Variants in EPHA7 observed in about 807,000 individuals in gnomAD.
EPHA7 encodes ephrin type-A receptor 7.
In EPHA7, 25 loss-of-function variants were observed where a neutral mutation model predicts 112.6. The ratio of observed to expected loss-of-function variants is 0.22; its 90% CI spans 0.16 to 0.31. The LOEUF (loss-of-function observed/expected upper bound fraction) is 0.31. EPHA7 is among the 10% of genes least tolerant of loss of function. EPHA7 has a pLI of 1.00. For missense variants in EPHA7, 962 were observed against 1,212.6 expected, an observed-to-expected ratio of 0.79 and a Z score of 3.07; for synonymous variants, 437 against 406.5, an observed-to-expected ratio of 1.07 and a Z score of -0.90.
In EPHA7 at chr6:93,290,165, T is replaced by C. The variant is rs1044720438; in HGVS notation, c.1325-17743A>G. ...GTAATGATTTTTGTATAAAAAGTTC[T>C]TCATATTTATAGTCAAAAGCAATTT... is the stretch of plus-strand genomic sequence containing the variant. On this transcript the variant is annotated intron_variant, in intron 5 of 16. Transcript: ENST00000369303. Among the ~76,000 whole-genome samples the C allele has an allele frequency of 2.0e-5, 3 of 152,172 alleles. No individual in the cohort carries two copies. The East Asian group carries it at 5.8e-4, about 29-fold the overall frequency.
chr6:93,246,043 A>AT lies in EPHA7; in HGVS notation c.2727-591dup, dbSNP rs779260927. Among the ~76,000 whole-genome samples, 633 of 150,796 alleles carry AT rather than the reference A, an allele frequency of 4.2e-3. 3 individuals are homozygous for AT. The highest frequency in any genetic ancestry group is 0.015 in the African/African-American group (605 of 41,214). On this transcript the variant is annotated intron_variant, in intron 15 of 16. Transcript: ENST00000369303. Reference sequence around the variant, plus strand: ...GTACACCTCTTTAATCATGTATTGAATTTTTTTTTCTTTTCTTTTTTTTTT... The same window carrying AT: ...GTACACCTCTTTAATCATGTATTGAATTTTTTTTTTCTTTTCTTTTTTTTTT...
chr6:93,311,287 CAGA>C (rs1397861337), intron 5 of EPHA7, among the ~76,000 whole-genome samples: 1 of 151,928 alleles, frequency 6.6e-6, no homozygotes. Flanking sequence ...TTACCCACAG[CAGA>C]AGTTCTTTCA....
intron 4 of EPHA7, among the ~76,000 whole-genome samples, chr6:93,357,490 C>T (rs164542): frequency 0.6 from 91,901 of 152,010 alleles, 29,384 homozygotes; most frequent in African/African-American, 0.8. Flanking sequence ...TATAGCAATG[C>T]CTGAGATTGG....
chr6:93,415,827 T>C (rs1779194729), intron 1 of EPHA7, among the ~76,000 whole-genome samples: 1 of 152,148 alleles, frequency 6.6e-6, no homozygotes, highest in African/African-American at 2.4e-5. Context: ...TACATGCTTA[T>C]ATGAACTTTT....
In EPHA7 at chr6:93,310,827, CTTGATG is replaced by C. The variant is rs555246644; in HGVS notation, c.1325-38411_1325-38406del. Reference sequence around the variant, plus strand: ...TATTTTTGCTGATGAGGGGGTTTGCCTTGATGTTGATGGCTACTGGATGATCAGGTA... The same window carrying C: ...TATTTTTGCTGATGAGGGGGTTTGCCTTGATGGCTACTGGATGATCAGGTA... On this transcript the variant is annotated intron_variant, in intron 5 of 16. Coordinates refer to ENST00000369303, the MANE Select transcript of EPHA7 (RefSeq NM_004440.4). 1.4e-3 allele frequency among the ~76,000 whole-genome samples: 208 copies of C among 152,208 alleles called. 1 individual carries two copies. Among genetic ancestry groups the C allele is most frequent in the Non-Finnish European group, 4.1e-4 (28 of 68,020 alleles).
chr6:93,259,169 A>G (rs1770575134), intron 10 of EPHA7, among the ~76,000 whole-genome samples, 185 bp downstream of exon 10: 2 of 152,050 alleles, frequency 1.3e-5, no homozygotes, highest in African/African-American at 4.8e-5. Context: ...TCTTTGTGCC[A>G]CATGCTAGTT....
In EPHA7 at chr6:93,410,897, T is replaced by C; in HGVS notation, c.436A>G (p.Ile146Val). Residue 146 changes from isoleucine to valine, a missense_variant, in exon 3 of 17, where the codon ATA becomes GTA. Ile to Val is a conservative substitution (Grantham distance 29, BLOSUM62 3). Coordinates refer to ENST00000369303, the MANE Select transcript of EPHA7 (RefSeq NM_004440.4). This position sits in a 1 kb window ranked among gnomAD's most constrained non-coding sequence, Gnocchi z 4.0. ...RNIRENLYVKIDTIAADESFT... is the reference protein window; with the variant it reads ...RNIRENLYVKVDTIAADESFT... ...CTTTCATCTGCAGCAATGGTGTCTA[T>C]TTTTACATAGAGGTTTTCTCTTATA... The C allele has an allele frequency of 1.2e-6, 2 of 1,614,054 alleles. No individual in the cohort carries two copies. The highest frequency in any genetic ancestry group is 2.2e-5 in the South Asian group (2 of 91,072).
chr6:93,415,221 T>C (rs902892685), intron 1 of EPHA7, among the ~76,000 whole-genome samples: 7 of 151,984 alleles, frequency 4.6e-5, no homozygotes, highest in African/African-American at 1.4e-4. Context: ...CTTTTGAGAA[T>C]TGGAGTTTAT....
chr6:93,251,340 T>C (rs985694042), intron 14 of EPHA7, among the ~76,000 whole-genome samples: 1 of 151,932 alleles, frequency 6.6e-6, no homozygotes, highest in Non-Finnish European at 1.5e-5. Context: ...ACTTTTCTTA[T>C]ATGGCTTTAA....
At chr6:93,320,926 T>C (rs1474814807) in intron 5 of EPHA7, among the ~76,000 whole-genome samples, 2 of 151,948 alleles carry the variant, frequency 1.3e-5, no homozygotes, top group South Asian at 2.1e-4. Flanking sequence ...ATTTCACTTA[T>C]AAAATGTTAT....
chr6:93,361,482 C>T (rs1441455326), intron 3 of EPHA7, among the ~76,000 whole-genome samples: 1 of 152,004 alleles, frequency 6.6e-6, no homozygotes, highest in Non-Finnish European at 1.5e-5. Context: ...AAGATATCTA[C>T]ACGAAATACT....
chr6:93,335,724 A>C (rs992203641), intron 5 of EPHA7, among the ~76,000 whole-genome samples: 1 of 151,938 alleles, frequency 6.6e-6, no homozygotes, highest in African/African-American at 2.4e-5. Context: ...TGGAAACTAC[A>C]CTCTTTGAAT....
chr6:93,387,952 T>C (rs1220210884), intron 3 of EPHA7, among the ~76,000 whole-genome samples: 1 of 151,612 alleles, frequency 6.6e-6, no homozygotes, highest in Non-Finnish European at 1.5e-5. Flanking sequence ...GATAGATAGA[T>C]AGATAGATAG....
At chr6:93,374,743 A>G (rs1365840127) in intron 3 of EPHA7, among the ~76,000 whole-genome samples, 6 of 152,298 alleles carry the variant, frequency 3.9e-5, no homozygotes, top group South Asian at 4.1e-4. Context: ...TAGATCACCA[A>G]TAGGAAACTG....
chr6:93,349,519 T>C (rs1194692098), intron 5 of EPHA7, among the ~76,000 whole-genome samples: 1 of 151,924 alleles, frequency 6.6e-6, no homozygotes, highest in Non-Finnish European at 1.5e-5. Flanking sequence ...CATATGAATG[T>C]ATGTTTTAAT....
intron 10 of EPHA7, among the ~76,000 whole-genome samples, chr6:93,258,539 A>C (rs1389571987): frequency 6.6e-6 from 1 of 150,648 alleles, no homozygotes; most frequent in African/African-American, 2.4e-5. Flanking sequence ...TTGAAGATAC[A>C]GTTCAGAGCT....
chr6:93,328,359 C>CT (rs543329485), intron 5 of EPHA7, among the ~76,000 whole-genome samples: 3 of 151,362 alleles, frequency 2.0e-5, no homozygotes, highest in African/African-American at 4.8e-5. Flanking sequence ...ACAGAGATTT[C>CT]TTTTTTTGTC....
At chr6:93,366,596 C>T (rs1185117187) in intron 3 of EPHA7, among the ~76,000 whole-genome samples, 3 of 152,132 alleles carry the variant, frequency 2.0e-5, no homozygotes, top group African/African-American at 7.2e-5. Context: ...GATGCCTTAG[C>T]AAGCAACAGT....
At chr6:93,301,182 A>G (rs1772958315) in intron 5 of EPHA7, among the ~76,000 whole-genome samples, 2 of 152,126 alleles carry the variant, frequency 1.3e-5, no homozygotes, top group Non-Finnish European at 2.9e-5. Context: ...CAGTAAATAT[A>G]TTATCTACTC....
Sources: allele counts gnomAD v4.1 joint callset (sites outside exome capture counted in the v4.1 genomes callset), GRCh38; gene constraint gnomAD v4.1.1; non-coding constraint Gnocchi (gnomAD v3.1); transcripts MANE v1.5; gene names NCBI Gene and HGNC (gene_info 2026-07-23, HGNC 2026-07-21).